SNX24: variants seen among roughly 807,000 people sequenced by gnomAD.
The protein encoded by SNX24 is sorting nexin 24.
A neutral mutation model predicts 28.7 loss-of-function variants in SNX24; 22 were observed. The observed-to-expected ratio is 0.77, with a 90% CI of 0.55 to 1.10. SNX24 has a LOEUF of 1.10. SNX24 is among the 50% of genes least tolerant of loss of function. The pLI, the probability that SNX24 is intolerant of heterozygous loss-of-function variation, is 0.00. For synonymous variants in SNX24, 69 were observed against 71.5 expected (o/e 0.96, Z 0.18); for missense variants, 221 against 201.1 (o/e 1.10, Z -0.60).
intron 1 of SNX24, among the ~76,000 whole-genome samples, chr5:122,912,437 C>T (rs1757932744): frequency 6.6e-6 from 1 of 152,000 alleles, no homozygotes; most frequent in African/African-American, 2.4e-5. Flanking sequence ...TTGACTTCCT[C>T]TTTTCCTAAT....
chr5:122,931,910 A>G (rs1758975447), intron 1 of SNX24, among the ~76,000 whole-genome samples: 1 of 151,962 alleles, frequency 6.6e-6, no homozygotes, highest in Non-Finnish European at 1.5e-5. Context: ...AGACCATTCA[A>G]CTTGAAATAT....
intron 3 of SNX24, among the ~76,000 whole-genome samples, chr5:122,975,538 T>A (rs1424887764): frequency 6.6e-6 from 1 of 152,296 alleles, no homozygotes; most frequent in Admixed American, 6.5e-5. Context: ...TAAAAATTTT[T>A]AAATTTTGTA....
intron 1 of SNX24, among the ~76,000 whole-genome samples, chr5:122,862,890 T>C (rs543788992): frequency 2.6e-4 from 39 of 152,220 alleles, no homozygotes; most frequent in African/African-American, 9.4e-4. Flanking sequence ...CTTTTTAGTC[T>C]GTATCCATAA....
At chr5:122,992,964 CT>C (rs35758148) in intron 3 of SNX24, among the ~76,000 whole-genome samples, 31,670 of 143,304 alleles carry the variant, frequency 0.22, 4,081 homozygotes, top group Non-Finnish European at 0.31. Context: ...AAATGTATTC[CT>C]TTTTTTTTTT....
At chr5:123,025,299 C>G (rs407392) in intron 5 of SNX24, among the ~76,000 whole-genome samples, 1 of 152,024 alleles carries the variant, frequency 6.6e-6, no homozygotes, top group Non-Finnish European at 1.5e-5. Flanking sequence ...TTAAATACAA[C>G]ATCCCATTTA....
chr5:122,897,576 A>C (rs1177336445), intron 1 of SNX24, among the ~76,000 whole-genome samples: 2 of 152,198 alleles, frequency 1.3e-5, no homozygotes, highest in African/African-American at 4.8e-5. Flanking sequence ...TGGGGATTTT[A>C]TCACTCCAAA....
intron 5 of SNX24, among the ~76,000 whole-genome samples, chr5:123,026,806 C>T (rs1561748991): frequency 6.6e-6 from 1 of 152,190 alleles, no homozygotes; most frequent in Non-Finnish European, 1.5e-5. Flanking sequence ...ATCTGACCAT[C>T]CTCCAATACC....
intron 1 of SNX24, among the ~76,000 whole-genome samples, chr5:122,867,476 A>T (rs1755773201): frequency 6.6e-6 from 1 of 152,146 alleles, no homozygotes; most frequent in African/African-American, 2.4e-5. Context: ...CCAATATGGA[A>T]TGGTGCCATA....
At chr5:122,920,673 A>G (rs972037607) in intron 1 of SNX24, among the ~76,000 whole-genome samples, 1 of 152,198 alleles carries the variant, frequency 6.6e-6, no homozygotes, top group East Asian at 1.9e-4. Context: ...ATGCACAGCC[A>G]TAGAGCTGAA....
At chr5:123,006,519 T>G (rs1379365680) in intron 6 of SNX24, among the ~76,000 whole-genome samples, 1 of 152,262 alleles carries the variant, frequency 6.6e-6, no homozygotes, top group Non-Finnish European at 1.5e-5. Context: ...ATTCTCCAGC[T>G]GGCAGCCAGA....
intron 3 of SNX24, among the ~76,000 whole-genome samples, chr5:122,969,728 A>T (rs1477047535): frequency 2.0e-5 from 3 of 152,138 alleles, no homozygotes; most frequent in Non-Finnish European, 4.4e-5. Context: ...TGTTTCTGTT[A>T]TTATTTTAAA....
At chr5:122,862,022 C>T (rs1315201600) in intron 1 of SNX24, among the ~76,000 whole-genome samples, 1 of 152,138 alleles carries the variant, frequency 6.6e-6, no homozygotes, top group Non-Finnish European at 1.5e-5. Context: ...TGTTGCGGGG[C>T]AGGGGCCGCT....
intron 3 of SNX24, among the ~76,000 whole-genome samples, chr5:122,971,043 T>C (rs535604787): frequency 6.6e-6 from 1 of 152,256 alleles, no homozygotes; most frequent in South Asian, 2.1e-4. Context: ...CTCTGCAAGC[T>C]AAGGAGCAAG....
At chr5:122,880,811 A>T (rs868753013) in intron 1 of SNX24, among the ~76,000 whole-genome samples, 1 of 152,280 alleles carries the variant, frequency 6.6e-6, no homozygotes, top group South Asian at 2.1e-4. Context: ...AGGTGATTCA[A>T]ATCTGGGAAC....
intron 3 of SNX24, among the ~76,000 whole-genome samples, chr5:122,962,316 T>A (rs1265125154): frequency 6.6e-6 from 1 of 152,244 alleles, no homozygotes; most frequent in Admixed American, 6.5e-5. Flanking sequence ...ATTGTACTAC[T>A]TAATTTCAAA....
At chr5:122,945,170 C>T (rs969418258) in intron 2 of SNX24, among the ~76,000 whole-genome samples, 1 of 152,126 alleles carries the variant, frequency 6.6e-6, no homozygotes. Flanking sequence ...GCCTCTTTCT[C>T]CATCGTCAGA....
intron 3 of SNX24, among the ~76,000 whole-genome samples, chr5:122,970,402 G>A (rs30049): frequency 0.77 from 116,891 of 151,958 alleles, 45,840 homozygotes; most frequent in East Asian, 0.99. Context: ...AAAACCTTTC[G>A]TGGCTCCTTG....
intron 1 of SNX24, 22 bp downstream of exon 1, chr5:122,845,715 A>T (rs757442209): frequency 5.2e-6 from 7 of 1,347,328 alleles, no homozygotes; most frequent in Non-Finnish European, 6.7e-6. Flanking sequence ...CCGCGGGCGG[A>T]CAGGGCCCCG....
intron 5 of SNX24, 71 bp downstream of exon 5, chr5:123,001,508 T>G: frequency 9.3e-7 from 1 of 1,077,518 alleles, no homozygotes. Flanking sequence ...CTACGATGTG[T>G]TTCAAGTTAT....
Sources: gnomAD v4.1 joint callset for allele counts (sites outside exome capture counted in the v4.1 genomes callset) on GRCh38, gnomAD v4.1.1 for gene constraint, MANE v1.5 for transcripts, NCBI Gene and HGNC (gene_info 2026-07-23, HGNC 2026-07-21) for gene names.